The following CCDC47 variants were observed in gnomAD, a reference collection of about 807,000 sequenced individuals.
CCDC47 encodes PAT complex subunit CCDC47.
Under a neutral mutation model 60.5 loss-of-function variants are expected in CCDC47, and 41 were observed. The ratio of observed to expected loss-of-function variants is 0.68; its 90% CI spans 0.53 to 0.88. CCDC47 has a LOEUF of 0.88. Among genes scored for constraint, CCDC47 ranks in the 40% least tolerant of loss-of-function variants. The pLI is 0.00. For missense variants in CCDC47, 513 were observed against 580.9 expected (o/e 0.88, Z 1.20); for synonymous variants, 195 against 190.7 (o/e 1.02, Z -0.18).
chr17:63,752,565 T>C, intron 10 of CCDC47, 136 bp from the exon 11 acceptor site: 2 of 754,802 alleles, frequency 2.6e-6, no homozygotes, highest in Non-Finnish European at 4.0e-6. Context: ...CAGCAGAAAA[T>C]ATAAATTAAA....
chr17:63,752,725 G>T lies in CCDC47; in HGVS notation c.1093+16C>A. On this transcript the variant is annotated intron_variant, in intron 10 of 12. Coordinates refer to ENST00000225726, the MANE Select transcript of CCDC47 (RefSeq NM_020198.3). The stretch of plus-strand genomic sequence containing the variant: ...CAGAGAAGACTAAGAACCCAGAAAG[G>T]ACCCAGAATACTTACCATTAAATGT... 1.2e-6 allele frequency: 2 copies of T among 1,605,472 alleles called. No homozygotes were observed. Among genetic ancestry groups the T allele is most frequent in the South Asian group, 1.1e-5 (1 of 89,358 alleles).
At chr17:63,771,699 C>A (rs368543201) in intron 1 of CCDC47, among the ~76,000 whole-genome samples, 35 of 152,200 alleles carry the variant, frequency 2.3e-4, no homozygotes, top group African/African-American at 8.4e-4. Flanking sequence ...CTAGGCTTTC[C>A]CTCTAGTTCT....
chr17:63,766,262 T>TA, intron 1 of CCDC47, 68 bp from the exon 2 acceptor site: 2 of 1,369,936 alleles, frequency 1.5e-6, no homozygotes, highest in East Asian at 2.4e-5. Context: ...TTATAAACAG[T>TA]AAAAATCTAT....
Position 63,746,585 on chromosome 17 carries a change from A to G in CCDC47, c.*296T>C, listed in dbSNP as rs2039121935. ...AGTACTAAAAGCACTGATGATTTGT[A>G]TTATAATTTTTAAAATATTTAAAAC... On this transcript the variant is annotated 3_prime_UTR_variant, in exon 13 of 13. Coordinates refer to ENST00000225726, the MANE Select transcript of CCDC47 (RefSeq NM_020198.3). The G allele has an allele frequency of 3.9e-6, 1 of 255,334 alleles. No homozygotes were observed. Among genetic ancestry groups the G allele is most frequent in the Non-Finnish European group, 7.5e-6 (1 of 133,208 alleles). The allele number at this position is 255,334 out of a possible 1,614,324, so 15.8% of individuals were successfully genotyped here.
In CCDC47 at chr17:63,746,312, T is replaced by C. The variant is rs6504182; in HGVS notation, c.*569A>G. On this transcript the variant is annotated 3_prime_UTR_variant, in exon 13 of 13. Coordinates refer to ENST00000225726, the MANE Select transcript of CCDC47 (RefSeq NM_020198.3). ...TCAGCATCTCCCACCTAAAAACATA[T>C]ACTACATTATGTTCTGGGTCCCTGA... The C allele has an allele frequency of 0.34, 51,390 of 152,342 alleles. 10,402 individuals are homozygous for C. The highest frequency in any genetic ancestry group is 0.57 in the African/African-American group (23,595 of 41,480). 9.4% of individuals were successfully genotyped at this position (152,342 alleles called of 1,614,324 possible).
chr17:63,747,863 A>AT (rs545080383), intron 12 of CCDC47: 616 of 883,488 alleles, frequency 7.0e-4, no homozygotes, highest in Non-Finnish European at 7.4e-4. Context: ...TTTTTTCTTT[A>AT]TTTTTTTTTG....
intron 4 of CCDC47, among the ~76,000 whole-genome samples, chr17:63,763,548 G>A (rs184070503): frequency 2.3e-4 from 35 of 151,986 alleles, no homozygotes; most frequent in Non-Finnish European, 4.4e-4. Flanking sequence ...TAAAAAGGCC[G>A]GGTGCAGTGG....
chr17:63,759,882 G>T (rs1384505419), intron 6 of CCDC47, among the ~76,000 whole-genome samples: 1 of 151,224 alleles, frequency 6.6e-6, no homozygotes, highest in African/African-American at 2.4e-5. Flanking sequence ...TGGCCAACAT[G>T]GTGAAACCCC....
In CCDC47 at chr17:63,752,799, C is replaced by T. The variant is rs753765405; in HGVS notation, c.1035G>A (p.Glu345=). The T allele has an allele frequency of 6.2e-7, 1 of 1,610,204 alleles. No individual in the cohort carries two copies. The highest frequency in any genetic ancestry group is 8.5e-7 in the Non-Finnish European group (1 of 1,178,368). ...CAGGTAGCTTTAAAGGCTGACCTTC[C>T]CTGTCATAAAAGAAAAGGCAATTAA... The part of the protein sequence containing the change: ...DQFSGPKIMQ[E]EGQPLKLPDT... The change falls in exon 10 of 13, where the codon GAG becomes GAA. Residue 345 remains glutamate, a splice_region_variant and synonymous_variant. Transcript: ENST00000225726.
intron 8 of CCDC47, among the ~76,000 whole-genome samples, chr17:63,754,774 C>G (rs1258354855): frequency 6.6e-6 from 1 of 151,552 alleles, no homozygotes; most frequent in Non-Finnish European, 1.5e-5. Context: ...CCCCAGCTAT[C>G]CAAGAGGCTG....
intron 9 of CCDC47, among the ~76,000 whole-genome samples, chr17:63,754,093 G>A (rs1006348280): frequency 1.3e-5 from 2 of 152,120 alleles, no homozygotes; most frequent in Non-Finnish European, 2.9e-5. Context: ...GCAACAGAGT[G>A]AGACAGCGTC....
At chr17:63,747,007 G>C in intron 12 of CCDC47, 46 bp from the exon 13 acceptor site, 4 of 1,599,240 alleles carry the variant, frequency 2.5e-6, no homozygotes, top group Non-Finnish European at 3.4e-6. Context: ...GTGGGGACGA[G>C]AGAATTCAAA....
At chr17:63,771,045 G>GAAAGAAAGAAAGAAAGAAAGAAAGAAAGA (rs56378189) in intron 1 of CCDC47, among the ~76,000 whole-genome samples, 25 of 97,784 alleles carry the variant, frequency 2.6e-4, no homozygotes, top group African/African-American at 1.0e-3. Context: ...AGGAAGGAAG[G>GAAAGAAAGAAAGAAAGAAAGAAAGAAAGA]AAGAAAGAAA....
rs2039369162 is a variant in CCDC47 at position 63,773,523 on chromosome 17, T to C, written c.-131A>G. 6.6e-6 allele frequency: 1 copy of C among 152,638 alleles called. No individual in the cohort carries two copies. The allele number at this position is 152,638 out of a possible 1,614,324, so 9.5% of individuals were successfully genotyped here. A position where few individuals can be genotyped will look rare whatever the true frequency, so the allele number is the denominator to read the frequency against. On this transcript the variant is annotated 5_prime_UTR_variant, in exon 1 of 13. Transcript: ENST00000225726. ...ATCGCAGCGGTTTTACTGCCCCGGATGCCTCTAGGACGCAGCCAGAACCGT... is the reference window on the plus strand; with the variant it reads ...ATCGCAGCGGTTTTACTGCCCCGGACGCCTCTAGGACGCAGCCAGAACCGT...
chr17:63,761,370 A>C lies in CCDC47; in HGVS notation c.548-19T>G. The C allele has an allele frequency of 6.2e-7, 1 of 1,613,486 alleles. No homozygotes were observed. Among genetic ancestry groups the C allele is most frequent in the Non-Finnish European group, 8.5e-7 (1 of 1,179,768 alleles). On this transcript the variant is annotated intron_variant, in intron 4 of 12. Transcript: ENST00000225726. The stretch of plus-strand genomic sequence containing the variant: ...TCATCCCCTAGGGGTAAAACCACTT[A>C]ATGTGACTCAACAGAAAATGTCAAG...
chr17:63,750,584 C>T (rs2039155293), intron 12 of CCDC47, among the ~76,000 whole-genome samples: 1 of 151,598 alleles, frequency 6.6e-6, no homozygotes, highest in African/African-American at 2.4e-5. Context: ...GAACTTTGTC[C>T]TCTCCCTTTT....
At chr17:63,759,203 G>C (rs910409190) in intron 6 of CCDC47, among the ~76,000 whole-genome samples, 2 of 151,682 alleles carry the variant, frequency 1.3e-5, no homozygotes, top group African/African-American at 4.8e-5. Context: ...AAATATAACA[G>C]TGGGGCTGGG....
chr17:63,754,883 A>G (rs1024845502), intron 8 of CCDC47, among the ~76,000 whole-genome samples: 1 of 131,224 alleles, frequency 7.6e-6, no homozygotes, highest in South Asian at 2.2e-4. Flanking sequence ...ACTCTGTCTC[A>G]AAAAAAAGAA....
At chr17:63,771,460 T>A (rs2039341307) in intron 1 of CCDC47, among the ~76,000 whole-genome samples, 2 of 152,142 alleles carry the variant, frequency 1.3e-5, no homozygotes, top group South Asian at 4.1e-4. Flanking sequence ...TACTAGTTGA[T>A]CCTTCAGGTT....
Sources: gnomAD v4.1 joint callset for allele counts (sites outside exome capture counted in the v4.1 genomes callset) on GRCh38, gnomAD v4.1.1 for gene constraint, MANE v1.5 for transcripts, NCBI Gene and HGNC (gene_info 2026-07-23, HGNC 2026-07-21) for gene names.